SPOPL: variants seen among roughly 807,000 people sequenced by gnomAD.
The protein encoded by SPOPL is speckle-type POZ protein-like.
A neutral mutation model predicts 53.8 loss-of-function variants in SPOPL; 23 were observed. The observed-to-expected ratio is 0.43, with a 90% confidence interval of 0.31 to 0.61. SPOPL has a LOEUF of 0.61. Among genes scored for constraint, SPOPL ranks in the 20% least tolerant of loss-of-function variants. SPOPL has a pLI of 0.12. For synonymous variants in SPOPL, 164 were observed against 149.7 expected, an observed-to-expected ratio of 1.10 and a Z score of -0.70; for missense variants, 442 against 466.9, an observed-to-expected ratio of 0.95 and a Z score of 0.49.
chr2:138,563,799 G>A (rs368977486), intron 8 of SPOPL, among the ~76,000 whole-genome samples: 6 of 152,310 alleles, frequency 3.9e-5, no homozygotes, highest in African/African-American at 1.4e-4. Context: ...GAAAGCATAT[G>A]CCCATACAGA....
chr2:138,558,880 G>T (rs1238699387), intron 5 of SPOPL, 142 bp from the exon 6 acceptor site: 4 of 529,982 alleles, frequency 7.5e-6, no homozygotes, highest in Non-Finnish European at 1.2e-5. Flanking sequence ...TTTAATTTCA[G>T]TTTCTGGATA....
chr2:138,547,290 A>G (rs1685216757), intron 1 of SPOPL, among the ~76,000 whole-genome samples: 1 of 152,158 alleles, frequency 6.6e-6, no homozygotes, highest in African/African-American at 2.4e-5. Context: ...TATATGAATT[A>G]CATTTGAAGT....
chr2:138,567,393 G>C, intron 10 of SPOPL, among the ~76,000 whole-genome samples: 1 of 141,722 alleles, frequency 7.1e-6, no homozygotes, highest in Non-Finnish European at 1.6e-5. Flanking sequence ...GTGTGTGTGT[G>C]TGTGTGTGTG....
At chr2:138,551,544 A>G (rs1282741250) in intron 4 of SPOPL, among the ~76,000 whole-genome samples, 1 of 151,988 alleles carries the variant, frequency 6.6e-6, no homozygotes, top group African/African-American at 2.4e-5. Flanking sequence ...TCAGTCCAAA[A>G]TTCACATATA....
Position 138,572,878 on chromosome 2 carries a change from G to A in SPOPL, c.*3798G>A, listed in dbSNP as rs911112907. 5.2e-5 allele frequency: 8 copies of A among 152,454 alleles called. No individual in the cohort carries two copies. Among genetic ancestry groups the A allele is most frequent in the Non-Finnish European group, 1.2e-4 (8 of 67,984 alleles). 9.4% of individuals were successfully genotyped at this position (152,454 alleles called of 1,614,324 possible). ...ACACAGTGTCTTCTGTTTGCAGTATGTGAACTTTATGTTTGAAAAGAAATT... is the reference window on the plus strand; with the variant it reads ...ACACAGTGTCTTCTGTTTGCAGTATATGAACTTTATGTTTGAAAAGAAATT... On this transcript the variant is annotated 3_prime_UTR_variant, in exon 11 of 11. Transcript: ENST00000280098.
intron 5 of SPOPL, among the ~76,000 whole-genome samples, chr2:138,555,131 G>GGGGTGTGT (rs1553471470): frequency 4.3e-5 from 6 of 140,088 alleles, no homozygotes; most frequent in Non-Finnish European, 9.3e-5. Context: ...AGGGTAGGAG[G>GGGGTGTGT]GTGTGTGTGT....
At chr2:138,525,114 A>G (rs1387313856) in intron 1 of SPOPL, among the ~76,000 whole-genome samples, 2 of 152,228 alleles carry the variant, frequency 1.3e-5, no homozygotes, top group Non-Finnish European at 2.9e-5. Context: ...TTTGCAAAAG[A>G]AAGGTTTAAT....
chr2:138,526,714 A>T (rs1257563911), intron 1 of SPOPL, among the ~76,000 whole-genome samples: 1 of 148,890 alleles, frequency 6.7e-6, no homozygotes, highest in South Asian at 2.1e-4. Flanking sequence ...CTCATTCTTA[A>T]ATAGAGTATG....
intron 1 of SPOPL, among the ~76,000 whole-genome samples, chr2:138,539,701 G>T (rs1685023748): frequency 6.6e-6 from 1 of 152,114 alleles, no homozygotes. Context: ...TCTGTAGGTT[G>T]CCTGTTCACT....
chr2:138,530,922 A>AGTGAGT (rs1553469245), intron 1 of SPOPL, among the ~76,000 whole-genome samples: 3 of 147,958 alleles, frequency 2.0e-5, no homozygotes, highest in East Asian at 2.0e-4. Flanking sequence ...CTGTAGAGTG[A>AGTGAGT]GTGTGTGTGT....
At chr2:138,540,912 T>G (rs1446146013) in intron 1 of SPOPL, among the ~76,000 whole-genome samples, 1 of 152,050 alleles carries the variant, frequency 6.6e-6, no homozygotes, top group Non-Finnish European at 1.5e-5. Flanking sequence ...TTTGAGATAC[T>G]TCCCATCAAT....
In SPOPL at chr2:138,510,808, CA is replaced by C. The variant is rs374818963; in HGVS notation, c.-61+8696del. 7.2e-5 allele frequency among the ~76,000 whole-genome samples: 11 copies of C among 151,886 alleles called. No homozygotes were observed. In the East Asian group the frequency reaches 1.5e-3, roughly 21 times the overall value. ...AATTCCTCTGTAGTTTTTTATAAGACAAAAAAATGAAATAAAATTAACAGTG... is the reference window on the plus strand; with the variant it reads ...AATTCCTCTGTAGTTTTTTATAAGACAAAAAATGAAATAAAATTAACAGTG... On this transcript the variant is annotated intron_variant, in intron 1 of 10. Coordinates refer to ENST00000280098, the MANE Select transcript of SPOPL (RefSeq NM_001001664.3).
At chr2:138,524,780 G>C (rs1405334674) in intron 1 of SPOPL, among the ~76,000 whole-genome samples, 1 of 152,178 alleles carries the variant, frequency 6.6e-6, no homozygotes, top group Non-Finnish European at 1.5e-5. Context: ...CCTCAGCCTG[G>C]ATTTCATTGT....
In SPOPL at chr2:138,560,816, A is replaced by G; in HGVS notation, c.726A>G (p.Glu242=). The part of the protein sequence containing the change: ...EMEESKKNRV[E]INDLDPEVFK... ...TTTTTCGATATCAGAATCGAGTGGA[A>G]ATAAATGATTTAGACCCTGAAGTTT... Residue 242 remains glutamate (E), a synonymous_variant, in exon 8 of 11, where the codon GAA becomes GAG. Transcript: ENST00000280098. 1 of 1,594,572 alleles carries G rather than the reference A, an allele frequency of 6.3e-7. No homozygotes were observed. The highest frequency in any genetic ancestry group is 1.2e-5 in the South Asian group (1 of 86,068).
Position 138,534,587 on chromosome 2 carries a change from AT to A in SPOPL, c.-60-15562del, listed in dbSNP as rs1012904755. On this transcript the variant is annotated intron_variant, in intron 1 of 10. Transcript: ENST00000280098. ...TGCATATGGACTTCTATGTGCAGGT[AT>A]TTTTTTTAAATGAGGCAAAATTCAT... Among the ~76,000 whole-genome samples, 11 of 152,068 alleles carry A rather than the reference AT, an allele frequency of 7.2e-5. No homozygotes were observed. In the East Asian group the frequency reaches 9.7e-4, roughly 13 times the overall value.
intron 1 of SPOPL, among the ~76,000 whole-genome samples, chr2:138,544,732 C>T (rs932278240): frequency 6.6e-6 from 1 of 152,232 alleles, no homozygotes; most frequent in Admixed American, 6.5e-5. Flanking sequence ...GTGCGCTGCA[C>T]CCACTGTCCT....
At chr2:138,517,290 A>G (rs1684459283) in intron 1 of SPOPL, among the ~76,000 whole-genome samples, 1 of 152,174 alleles carries the variant, frequency 6.6e-6, no homozygotes, top group Non-Finnish European at 1.5e-5. Context: ...GAATCGATGC[A>G]TATCTTTTAG....
intron 10 of SPOPL, among the ~76,000 whole-genome samples, chr2:138,566,654 T>G (rs1685664864): frequency 6.6e-6 from 1 of 152,192 alleles, no homozygotes; most frequent in Non-Finnish European, 1.5e-5. Context: ...AAAAATTGTT[T>G]TGTTGGTATC....
intron 1 of SPOPL, among the ~76,000 whole-genome samples, chr2:138,534,111 A>G (rs2104876129): frequency 6.6e-6 from 1 of 152,262 alleles, no homozygotes; most frequent in South Asian, 2.1e-4. Flanking sequence ...TTTTAAAGAA[A>G]CAATAGTTTT....
Sources: gnomAD v4.1 joint callset for allele counts (sites outside exome capture counted in the v4.1 genomes callset) on GRCh38, gnomAD v4.1.1 for gene constraint, MANE v1.5 for transcripts, NCBI Gene and HGNC (gene_info 2026-07-23, HGNC 2026-07-21) for gene names.